The following SND1 variants were observed in gnomAD, a reference collection of about 807,000 sequenced individuals.
SND1 encodes staphylococcal nuclease domain-containing protein 1.
SND1 carries 38 observed loss-of-function variants against 121.7 expected under a neutral mutation model. The ratio of observed to expected loss-of-function variants is 0.31; its 90% CI spans 0.24 to 0.41. The LOEUF is 0.41. Among genes scored for constraint, SND1 ranks in the 10% least tolerant of loss-of-function variants. The pLI is 1.00. For missense variants in SND1, 868 were observed against 1,184.6 expected, an observed-to-expected ratio of 0.73 and a Z score of 3.92; for synonymous variants, 401 against 447.4, an observed-to-expected ratio of 0.90 and a Z score of 1.31.
At chr7:127,776,162 A>G (rs899060084) in intron 10 of SND1, among the ~76,000 whole-genome samples, 19 of 152,190 alleles carry the variant, frequency 1.2e-4, no homozygotes, top group African/African-American at 4.6e-4. Context: ...TTGAGTGAAA[A>G]AATAGGCTTT....
intron 10 of SND1, among the ~76,000 whole-genome samples, chr7:127,804,086 T>A (rs1011981108): frequency 9.3e-6 from 1 of 107,622 alleles, no homozygotes; most frequent in African/African-American, 4.2e-5. Flanking sequence ...AAAATTCAGC[T>A]AAAGTCCTGT....
chr7:127,837,260 A>C (rs2116634497), intron 11 of SND1, among the ~76,000 whole-genome samples: 1 of 152,372 alleles, frequency 6.6e-6, no homozygotes, highest in Admixed American at 6.5e-5. Context: ...TAAGCATTGC[A>C]GTGTGGCTGG....
chr7:128,040,007 T>C (rs1195320121), intron 16 of SND1, among the ~76,000 whole-genome samples: 1 of 152,192 alleles, frequency 6.6e-6, no homozygotes, highest in African/African-American at 2.4e-5. Flanking sequence ...CCAGAGCTTC[T>C]GGTCCCCTTT....
At chr7:127,739,020 C>T (rs1478681214) in intron 10 of SND1, among the ~76,000 whole-genome samples, 1 of 152,128 alleles carries the variant, frequency 6.6e-6, no homozygotes, top group African/African-American at 2.4e-5. Flanking sequence ...TTAATTTGTG[C>T]ACAGGTGTGT....
At chr7:127,805,084 A>T (rs1459517750) in intron 10 of SND1, among the ~76,000 whole-genome samples, 1 of 152,132 alleles carries the variant, frequency 6.6e-6, no homozygotes, top group Non-Finnish European at 1.5e-5. Flanking sequence ...CTTATGTTAC[A>T]CTTGGCTCCT....
intron 11 of SND1, among the ~76,000 whole-genome samples, chr7:127,812,771 T>A (rs1798357258): frequency 6.6e-6 from 1 of 152,224 alleles, no homozygotes; most frequent in Non-Finnish European, 1.5e-5. Flanking sequence ...CCTGGCTATT[T>A]ATCAGGGTTG....
At chr7:127,790,383 CT>C in intron 10 of SND1, among the ~76,000 whole-genome samples, 1 of 152,270 alleles carries the variant, frequency 6.6e-6, no homozygotes, top group African/African-American at 2.4e-5. Flanking sequence ...AGGAAAAGGA[CT>C]GTTTTTCTCT....
chr7:127,766,576 C>G (rs1213338426), intron 10 of SND1, among the ~76,000 whole-genome samples: 8 of 151,814 alleles, frequency 5.3e-5, no homozygotes, highest in African/African-American at 1.5e-4. Flanking sequence ...GAGATCAAGA[C>G]CATCCTGGCC....
At chr7:127,982,123 A>T (rs1187809705) in intron 15 of SND1, among the ~76,000 whole-genome samples, 2 of 152,222 alleles carry the variant, frequency 1.3e-5, no homozygotes, top group Non-Finnish European at 2.9e-5. Flanking sequence ...TATGACTTGT[A>T]TCAGAAACTT....
intron 16 of SND1, among the ~76,000 whole-genome samples, chr7:128,043,692 T>C (rs1021045338): frequency 1.2e-4 from 18 of 151,606 alleles, no homozygotes; most frequent in Admixed American, 1.2e-3. Flanking sequence ...TGATAAAGAA[T>C]GTTACCTTGC....
intron 2 of SND1, among the ~76,000 whole-genome samples, chr7:127,687,457 C>T (rs1795832981): frequency 1.3e-5 from 2 of 152,106 alleles, no homozygotes; most frequent in African/African-American, 4.8e-5. Flanking sequence ...TTTTAATTCT[C>T]ACCCCCCTCA....
At chr7:127,766,217 C>T (rs1214299934) in intron 10 of SND1, among the ~76,000 whole-genome samples, 1 of 152,216 alleles carries the variant, frequency 6.6e-6, no homozygotes, top group Non-Finnish European at 1.5e-5. Flanking sequence ...TCTTACCACA[C>T]ATCGAACCTG....
intron 12 of SND1, among the ~76,000 whole-genome samples, chr7:127,868,103 C>T (rs1799512805): frequency 6.6e-6 from 1 of 152,070 alleles, no homozygotes; most frequent in African/African-American, 2.4e-5. Context: ...TAATAAGACT[C>T]ATAGTAGGTC....
chr7:127,749,042 C>CTTTTT (rs1491284090), intron 10 of SND1, among the ~76,000 whole-genome samples: 7 of 114,568 alleles, frequency 6.1e-5, no homozygotes, highest in Non-Finnish European at 1.3e-4. Context: ...TTTTTTCTTT[C>CTTTTT]GTTTTTTTTT....
chr7:127,997,802 GGTAGAC>G, intron 16 of SND1: 1 of 534,704 alleles, frequency 1.9e-6, no homozygotes, highest in Non-Finnish European at 3.8e-6. Flanking sequence ...CCATCTCTCA[GGTAGAC>G]TTACACTTTC....
chr7:127,681,062 T>C (rs574189463), intron 1 of SND1, among the ~76,000 whole-genome samples: 47 of 152,284 alleles, frequency 3.1e-4, no homozygotes, highest in Non-Finnish European at 6.0e-4. Flanking sequence ...ATATGATAAC[T>C]GTTTAACTTT....
chr7:128,028,273 A>AAAAAATCTTCTAAAATC, intron 16 of SND1: 1 of 166,448 alleles, frequency 6.0e-6, no homozygotes, highest in Non-Finnish European at 1.3e-5. Flanking sequence ...CCTGTGTCCT[A>AAAAAATCTTCTAAAATC]TGAAGCATCT....
At chr7:127,769,480 A>C (rs1006117724) in intron 10 of SND1, among the ~76,000 whole-genome samples, 1 of 152,020 alleles carries the variant, frequency 6.6e-6, no homozygotes, top group Non-Finnish European at 1.5e-5. Context: ...TTAAATTGCT[A>C]TTTCTCTCTA....
chr7:127,900,964 CAGG>C (rs1228550185), intron 13 of SND1, among the ~76,000 whole-genome samples: 3 of 152,162 alleles, frequency 2.0e-5, no homozygotes, highest in South Asian at 4.1e-4. Flanking sequence ...GCAGACACAG[CAGG>C]AGAAGTTTAG....
Sources: gnomAD v4.1 joint callset for allele counts (sites outside exome capture counted in the v4.1 genomes callset) on GRCh38, gnomAD v4.1.1 for gene constraint, MANE v1.5 for transcripts, NCBI Gene and HGNC (gene_info 2026-07-23, HGNC 2026-07-21) for gene names.